The following PLCB4 variants were observed in gnomAD, a reference collection of about 807,000 sequenced individuals.
PLCB4 encodes phospholipase C beta 4.
In PLCB4, 77 loss-of-function variants were observed where a neutral mutation model predicts 178.8. The ratio of observed to expected loss-of-function variants is 0.43; its 90% CI spans 0.36 to 0.52. PLCB4 has a LOEUF of 0.52. PLCB4 is among the 20% of genes least tolerant of loss of function. The probability of loss-of-function intolerance (pLI) is 0.00; values close to 1 mark genes in which losing one functional copy is unlikely to be tolerated. For synonymous variants in PLCB4, 496 were observed against 490.8 expected (o/e 1.01, Z -0.14); for missense variants, 1,024 against 1,453.4 (o/e 0.70, Z 4.80).
intron 2 of PLCB4, among the ~76,000 whole-genome samples, chr20:9,180,230 A>G (rs555700120): frequency 2.0e-5 from 3 of 152,290 alleles, no homozygotes; most frequent in South Asian, 4.1e-4. Flanking sequence ...TGGTATTATT[A>G]TGGATAGTAA....
chr20:9,245,558 G>A (rs1032742256), intron 3 of PLCB4, among the ~76,000 whole-genome samples: 1 of 152,164 alleles, frequency 6.6e-6, no homozygotes, highest in African/African-American at 2.4e-5. Flanking sequence ...GTGATATTAA[G>A]ATGGAGGCAG....
At chr20:9,329,993 G>C (rs2031386897) in intron 4 of PLCB4, among the ~76,000 whole-genome samples, 1 of 152,172 alleles carries the variant, frequency 6.6e-6, no homozygotes. Flanking sequence ...GAGGGCTTTA[G>C]TTTAACTTGA....
chr20:9,139,124 T>A (rs781671824), intron 2 of PLCB4, among the ~76,000 whole-genome samples: 1 of 152,156 alleles, frequency 6.6e-6, no homozygotes, highest in Non-Finnish European at 1.5e-5. Flanking sequence ...TTATACTCCC[T>A]GTCATGCAGA....
In PLCB4 at chr20:9,076,602, T is replaced by A. The variant is rs76292279; in HGVS notation, c.-135+7396T>A. ...CAGTCACAAGATGTCCCCCCTGCTA[T>A]TTGGTAGTAGCTGTATTTGTCCTGA... On this transcript the variant is annotated intron_variant, in intron 1 of 39. Coordinates refer to ENST00000378473, the MANE Select transcript of PLCB4 (RefSeq NM_001377142.1). 3.1e-3 allele frequency among the ~76,000 whole-genome samples: 471 copies of A among 152,304 alleles called. 3 individuals carry two copies. The highest frequency in any genetic ancestry group is 0.011 in the African/African-American group (456 of 41,572).
chr20:9,239,075 A>G (rs1029889802), intron 3 of PLCB4, among the ~76,000 whole-genome samples: 1 of 152,142 alleles, frequency 6.6e-6, no homozygotes, highest in Non-Finnish European at 1.5e-5. Context: ...TGATTTTTTG[A>G]TACTTACCTT....
chr20:9,234,823 C>T (rs2093975401), intron 3 of PLCB4, among the ~76,000 whole-genome samples: 1 of 152,064 alleles, frequency 6.6e-6, no homozygotes, highest in Non-Finnish European at 1.5e-5. Flanking sequence ...ATGATATAAT[C>T]ATTTTAGAGA....
intron 13 of PLCB4, among the ~76,000 whole-genome samples, chr20:9,381,723 T>C (rs570917968): frequency 4.1e-4 from 62 of 152,338 alleles, no homozygotes; most frequent in African/African-American, 1.5e-3. Flanking sequence ...TCTTATAAAC[T>C]TCTGGTAAGA....
At chr20:9,313,646 C>T (rs567676700) in intron 4 of PLCB4, among the ~76,000 whole-genome samples, 2 of 152,260 alleles carry the variant, frequency 1.3e-5, no homozygotes, top group East Asian at 3.9e-4. Flanking sequence ...TGCCATGAGT[C>T]CTGTTTTCTT....
At chr20:9,429,678 A>G (rs911699671) in intron 28 of PLCB4, among the ~76,000 whole-genome samples, 1 of 152,186 alleles carries the variant, frequency 6.6e-6, no homozygotes, top group Admixed American at 6.5e-5. Context: ...TTAAAAATCA[A>G]TTTCCTTTTT....
At chr20:9,175,553 A>C (rs1452554393) in intron 2 of PLCB4, among the ~76,000 whole-genome samples, 1 of 152,172 alleles carries the variant, frequency 6.6e-6, no homozygotes, top group East Asian at 1.9e-4. Context: ...AAGTTGTGCC[A>C]AATTAAATAC....
At chr20:9,310,554 T>TA (rs143256734) in intron 4 of PLCB4, among the ~76,000 whole-genome samples, 12,223 of 150,250 alleles carry the variant, frequency 0.081, 700 homozygotes, top group African/African-American at 0.15. Context: ...ACTAAAAATA[T>TA]AAAAAAAAAT....
chr20:9,346,518 A>G (rs1163812727), intron 7 of PLCB4, among the ~76,000 whole-genome samples: 1 of 152,154 alleles, frequency 6.6e-6, no homozygotes, highest in Non-Finnish European at 1.5e-5. Flanking sequence ...TTGCTTCAAC[A>G]GTTTTTGAGG....
intron 3 of PLCB4, among the ~76,000 whole-genome samples, chr20:9,236,007 T>C (rs911816446): frequency 5.3e-5 from 8 of 152,194 alleles, no homozygotes; most frequent in African/African-American, 1.9e-4. Context: ...TTATTGGATA[T>C]TCAGAAAGTG....
chr20:9,349,341 T>C, intron 7 of PLCB4, among the ~76,000 whole-genome samples: 1 of 152,192 alleles, frequency 6.6e-6, no homozygotes, highest in East Asian at 1.9e-4. Flanking sequence ...TGAGTCTTTT[T>C]ATTCCCCACA....
intron 4 of PLCB4, among the ~76,000 whole-genome samples, chr20:9,312,063 C>T (rs185760586): frequency 6.5e-4 from 99 of 152,216 alleles, no homozygotes; most frequent in African/African-American, 2.2e-3. Context: ...AAATTCCATT[C>T]TCCCTTCTTG....
intron 2 of PLCB4, among the ~76,000 whole-genome samples, chr20:9,134,379 CTTCA>C (rs1393401958): frequency 6.6e-6 from 1 of 152,048 alleles, no homozygotes; most frequent in Non-Finnish European, 1.5e-5. Context: ...GTACTTCTAA[CTTCA>C]TTCAAATTTA....
intron 2 of PLCB4, among the ~76,000 whole-genome samples, chr20:9,139,306 G>A (rs1046351043): frequency 6.6e-6 from 1 of 152,140 alleles, no homozygotes; most frequent in African/African-American, 2.4e-5. Flanking sequence ...TGGTAACTGG[G>A]CTCAGCTGGG....
intron 19 of PLCB4, among the ~76,000 whole-genome samples, chr20:9,397,773 T>G (rs1313890551): frequency 2.0e-5 from 3 of 152,210 alleles, no homozygotes. Context: ...ACTACTCAGT[T>G]GATACTCGTT....
At chr20:9,401,931 C>T (rs1180204313) in intron 20 of PLCB4, among the ~76,000 whole-genome samples, 2 of 152,140 alleles carry the variant, frequency 1.3e-5, no homozygotes, top group Non-Finnish European at 2.9e-5. Context: ...GAAAATGACC[C>T]CTGAACATCC....
Sources: gnomAD v4.1 joint callset for allele counts (sites outside exome capture counted in the v4.1 genomes callset) on GRCh38, gnomAD v4.1.1 for gene constraint, MANE v1.5 for transcripts, NCBI Gene and HGNC (gene_info 2026-07-23, HGNC 2026-07-21) for gene names.